The following GRM1 variants were observed in gnomAD, a reference collection of about 807,000 sequenced individuals.
GRM1 encodes the protein glutamate metabotropic receptor 1.
In GRM1, 33 loss-of-function variants were observed where a neutral mutation model predicts 90.9. The observed-to-expected ratio is 0.36, with a 90% CI of 0.28 to 0.49. GRM1 has a LOEUF of 0.49. Ranked by LOEUF, GRM1 falls within the 20% of genes least tolerant of loss-of-function variation. The pLI, the probability that GRM1 is intolerant of heterozygous loss-of-function variation, is 0.99. For missense variants in GRM1, 1,190 were observed against 1,534.3 expected (o/e 0.78, Z 3.75); for synonymous variants, 700 against 613.2 (o/e 1.14, Z -2.09).
rs150213757 is a variant in GRM1, at chr6:146,398,831, G to A, written c.1792G>A (p.Ala598Thr). ...WSNIESIIAI[A>T]FSCLGILVTL... ...CAACATCGAATCCATTATAGCCATC[G>A]CCTTTTCATGCCTGGGAATCCTTGT... Residue 598 changes from alanine (A) to threonine (T), a missense_variant, in exon 7 of 8, where the codon GCC (alanine) becomes ACC (threonine). Around this residue, in one of 10 missense-constraint regions of GRM1, gnomAD observed 414 missense variants for 598.4 expected, o/e 0.69. Coordinates refer to ENST00000282753, the MANE Select transcript of GRM1 (RefSeq NM_001278064.2). 23 of 1,613,718 alleles carry A rather than the reference G, an allele frequency of 1.4e-5. No homozygotes were observed. The highest frequency in any genetic ancestry group is 1.7e-5 in the Admixed American group (1 of 60,012).
intron 2 of GRM1, among the ~76,000 whole-genome samples, chr6:146,170,445 C>T (rs972217443): frequency 5.3e-5 from 8 of 151,862 alleles, no homozygotes; most frequent in African/African-American, 7.3e-5. Context: ...TCTGAGGCTC[C>T]GTTCATTTTT....
chr6:146,271,259 C>T (rs1782153619), intron 2 of GRM1, among the ~76,000 whole-genome samples: 1 of 152,144 alleles, frequency 6.6e-6, no homozygotes, highest in Non-Finnish European at 1.5e-5. Context: ...CTGCCTCAGC[C>T]TCCCAAAGTG....
intron 1 of GRM1, among the ~76,000 whole-genome samples, chr6:146,123,781 A>G (rs887108135): frequency 1.3e-5 from 2 of 152,134 alleles, no homozygotes; most frequent in African/African-American, 4.8e-5. Flanking sequence ...TGCCTCAAAC[A>G]TTCTAGAAAT....
At chr6:146,281,281 AT>A (rs1782557710) in intron 2 of GRM1, among the ~76,000 whole-genome samples, 2 of 152,176 alleles carry the variant, frequency 1.3e-5, no homozygotes, top group South Asian at 4.1e-4. Context: ...AGGGACCAGG[AT>A]TCCAACCACA....
rs543800576 is a variant in GRM1, at chr6:146,202,991, A to T, written c.950+43394A>T. 1.5e-3 allele frequency among the ~76,000 whole-genome samples: 231 copies of T among 151,922 alleles called. 7 individuals are homozygous for T. The South Asian group carries it at 0.044, about 29-fold the overall frequency. ...CGGGCGGATCACGAGGTCAGGAGAG[A>T]GAGACAATCCTGGCTAACACGGTGA... On this transcript the variant is annotated intron_variant, in intron 2 of 7. Transcript: ENST00000282753.
intron 7 of GRM1, among the ~76,000 whole-genome samples, chr6:146,413,368 G>A (rs1431416342): frequency 1.3e-5 from 2 of 151,854 alleles, no homozygotes; most frequent in African/African-American, 4.8e-5. Flanking sequence ...ATTGTATTAG[G>A]TCAATATTCT....
At chr6:146,208,987 A>G (rs544929075) in intron 2 of GRM1, among the ~76,000 whole-genome samples, 119 of 152,282 alleles carry the variant, frequency 7.8e-4, no homozygotes, top group African/African-American at 2.7e-3. Context: ...TACTAACCTT[A>G]ACATATTACT....
intron 1 of GRM1, among the ~76,000 whole-genome samples, chr6:146,063,767 T>C (rs907388697): frequency 2.0e-5 from 3 of 152,126 alleles, no homozygotes; most frequent in Admixed American, 1.3e-4. Context: ...TGAATCCATA[T>C]GGTAGCTCTT....
At chr6:146,395,515 T>C (rs1464942166) in intron 6 of GRM1, among the ~76,000 whole-genome samples, 1 of 152,194 alleles carries the variant, frequency 6.6e-6, no homozygotes, top group African/African-American at 2.4e-5. Flanking sequence ...TCTTCTCTTT[T>C]CTGCTCTTGC....
intron 7 of GRM1, among the ~76,000 whole-genome samples, chr6:146,409,490 G>T (rs1438938872): frequency 6.6e-6 from 1 of 152,092 alleles, no homozygotes; most frequent in Non-Finnish European, 1.5e-5. Flanking sequence ...TAGATTTCTG[G>T]CTATAAAATG....
chr6:146,357,324 A>G (rs1276382761), intron 4 of GRM1, among the ~76,000 whole-genome samples: 1 of 152,222 alleles, frequency 6.6e-6, no homozygotes, highest in Non-Finnish European at 1.5e-5. Flanking sequence ...GTGAATATGG[A>G]TGATACACAG....
At chr6:146,166,576 G>T (rs933693466) in intron 2 of GRM1, among the ~76,000 whole-genome samples, 1 of 152,152 alleles carries the variant, frequency 6.6e-6, no homozygotes, top group South Asian at 2.1e-4. Context: ...TCCTGTGTTG[G>T]TGTCTTCTCC....
At chr6:146,372,213 T>C (rs187447826) in intron 5 of GRM1, among the ~76,000 whole-genome samples, 1 of 152,306 alleles carries the variant, frequency 6.6e-6, no homozygotes, top group East Asian at 1.9e-4. Context: ...TGATGATCAA[T>C]GATGTTGAGC....
At chr6:146,303,590 A>C (rs756568749) in intron 2 of GRM1, among the ~76,000 whole-genome samples, 1 of 152,150 alleles carries the variant, frequency 6.6e-6, no homozygotes, top group Non-Finnish European at 1.5e-5. Context: ...AATAGTGGTA[A>C]ACCCCTCCCT....
At chr6:146,243,680 A>G (rs1780946433) in intron 2 of GRM1, among the ~76,000 whole-genome samples, 1 of 152,090 alleles carries the variant, frequency 6.6e-6, no homozygotes, top group Non-Finnish European at 1.5e-5. Flanking sequence ...AAAAATGCTA[A>G]TGAAGTTGCA....
intron 2 of GRM1, among the ~76,000 whole-genome samples, chr6:146,256,493 C>T (rs115221924): frequency 1.2e-4 from 19 of 152,070 alleles, no homozygotes; most frequent in Non-Finnish European, 2.5e-4. Context: ...TTTTTCTCCA[C>T]TCTCCTCCTT....
chr6:146,393,503 C>G (rs1049919762), intron 6 of GRM1, among the ~76,000 whole-genome samples: 3 of 152,040 alleles, frequency 2.0e-5, no homozygotes, highest in Non-Finnish European at 2.9e-5. Context: ...ATGATAGTTT[C>G]TTTTGTTGTG....
At chr6:146,157,689 T>A (rs897276741) in intron 1 of GRM1, among the ~76,000 whole-genome samples, 13 of 151,978 alleles carry the variant, frequency 8.6e-5, no homozygotes, top group African/African-American at 3.1e-4. Flanking sequence ...AGAAACTCCT[T>A]GAATAGACAA....
At chr6:146,062,350 G>C (rs941089380) in intron 1 of GRM1, among the ~76,000 whole-genome samples, 10 of 127,290 alleles carry the variant, frequency 7.9e-5, no homozygotes, top group Admixed American at 2.2e-4. Context: ...TTGGGGGGTA[G>C]GGGGCTAGGG....
Sources: gnomAD v4.1 joint callset for allele counts (sites outside exome capture counted in the v4.1 genomes callset) on GRCh38, gnomAD v4.1.1 for gene constraint, gnomAD v4.1.1 regional missense constraint, MANE v1.5 for transcripts, NCBI Gene and HGNC (gene_info 2026-07-23, HGNC 2026-07-21) for gene names.